DCAF8L2: variants seen among roughly 807,000 people sequenced by gnomAD.
The protein encoded by DCAF8L2 is DDB1- and CUL4-associated factor 8-like protein 2.
For missense variants in DCAF8L2, 430 were observed against 490.7 expected, an observed-to-expected ratio of 0.88 and a Z score of 1.17; for synonymous variants, 200 against 190.9, an observed-to-expected ratio of 1.05 and a Z score of -0.39.
At chrX:27,591,474 C>T (rs908287295) in intron 1 of DCAF8L2, among the ~76,000 whole-genome samples, 1 of 111,154 alleles carries the variant, frequency 9.0e-6, no homozygotes, top group African/African-American at 3.3e-5. Flanking sequence ...TAAGTTGTTG[C>T]TTCTCCCCCT....
chrX:27,603,634 A>T (rs1413946958), intron 1 of DCAF8L2, among the ~76,000 whole-genome samples: 1 of 112,160 alleles, frequency 8.9e-6, no homozygotes, highest in Non-Finnish European at 1.9e-5. Context: ...CTGATATAAC[A>T]AACCTACAAC....
chrX:27,568,847 G>T, the DCAF8L2 span, among the ~76,000 whole-genome samples: 45,076 of 102,986 alleles, frequency 0.44, 8,659 homozygotes, highest in South Asian at 0.69. Flanking sequence ...ACAGGCCCCG[G>T]TGTGTGATGT....
upstream of DCAF8L2, among the ~76,000 whole-genome samples, chrX:27,586,967 C>A (rs926770658): frequency 9.0e-6 from 1 of 110,788 alleles, no homozygotes; most frequent in Non-Finnish European, 1.9e-5. Flanking sequence ...TTCTTAATGA[C>A]CTGTGTTTCA....
chrX:27,574,992 T>C, the DCAF8L2 span, among the ~76,000 whole-genome samples: 2 of 112,091 alleles, frequency 1.8e-5, no homozygotes, highest in Non-Finnish European at 3.8e-5. Flanking sequence ...GCTCTTGCCT[T>C]GCTATGCCGG....
chrX:27,561,965 C>A, the DCAF8L2 span, among the ~76,000 whole-genome samples: 1 of 111,555 alleles, frequency 9.0e-6, no homozygotes, highest in African/African-American at 3.3e-5. Context: ...ATGGTAACTC[C>A]ATGGTTAGCT....
intron 3 of DCAF8L2, among the ~76,000 whole-genome samples, chrX:27,695,237 T>A (rs1930851335): frequency 8.9e-6 from 1 of 112,411 alleles, no homozygotes; most frequent in South Asian, 3.6e-4. Flanking sequence ...TTCTGTGTTC[T>A]GTTAAGAGAA....
At chrX:27,546,726 C>T in the DCAF8L2 span, among the ~76,000 whole-genome samples, 1 of 112,367 alleles carries the variant, frequency 8.9e-6, no homozygotes, top group African/African-American at 3.2e-5. Context: ...CTGAGCTGTA[C>T]CTTGGTCCCT....
At chrX:27,621,081 G>A (rs1394455235) in intron 1 of DCAF8L2, among the ~76,000 whole-genome samples, 1 of 112,008 alleles carries the variant, frequency 8.9e-6, no homozygotes, top group Admixed American at 9.5e-5. Context: ...TACTTATACT[G>A]TACCATTCTA....
chrX:27,598,395 AT>A (rs1175326746), intron 1 of DCAF8L2, among the ~76,000 whole-genome samples: 2 of 112,112 alleles, frequency 1.8e-5, no homozygotes, highest in Non-Finnish European at 3.8e-5. Flanking sequence ...AAGAGAGAAC[AT>A]TAGCTGCTTA....
chrX:27,482,411 G>C, the DCAF8L2 span, among the ~76,000 whole-genome samples: 1 of 111,224 alleles, frequency 9.0e-6, no homozygotes, highest in Non-Finnish European at 1.9e-5. Flanking sequence ...GCTAATTAAA[G>C]CTCATTTAAG....
At chrX:27,514,265 AT>A in the DCAF8L2 span, among the ~76,000 whole-genome samples, 1 of 36,775 alleles carries the variant, frequency 2.7e-5, no homozygotes, top group Admixed American at 4.3e-4. Context: ...ATATGTGTGC[AT>A]ATGTGCACAT....
chrX:27,500,861 T>C, the DCAF8L2 span, among the ~76,000 whole-genome samples: 1 of 111,326 alleles, frequency 9.0e-6, no homozygotes, highest in Non-Finnish European at 1.9e-5. Flanking sequence ...AATCACATTT[T>C]AGTAAATTCA....
At chrX:27,696,282 G>T (rs765287576) in intron 3 of DCAF8L2, among the ~76,000 whole-genome samples, 7 of 54,226 alleles carry the variant, frequency 1.3e-4, no homozygotes, top group Non-Finnish European at 2.4e-4. Context: ...AAGAAAGAAA[G>T]AAAGAAAGAA....
chrX:27,722,340 A>G (rs956333872), intron 4 of DCAF8L2, among the ~76,000 whole-genome samples: 2 of 111,605 alleles, frequency 1.8e-5, no homozygotes, highest in Non-Finnish European at 3.8e-5. Context: ...AGTTGAAAAT[A>G]TTGTAGGTTG....
the DCAF8L2 span, chrX:27,518,492 C>T: frequency 2.4e-6 from 1 of 418,617 alleles, no homozygotes. Flanking sequence ...TGTAATCCAG[C>T]ACTTTGGGAG....
At chrX:27,660,410 G>T (rs1450590310) in intron 2 of DCAF8L2, among the ~76,000 whole-genome samples, 3 of 109,350 alleles carry the variant, frequency 2.7e-5, no homozygotes, top group Admixed American at 9.7e-5. Context: ...AGGTTTTTGT[G>T]TTTTTTTTTG....
At chrX:27,499,658 C>T in the DCAF8L2 span, among the ~76,000 whole-genome samples, 7 of 110,988 alleles carry the variant, frequency 6.3e-5, no homozygotes, top group South Asian at 2.3e-3. Flanking sequence ...CTTCACATGG[C>T]GAAGCAGGAG....
At chrX:27,686,849 A>G (rs1397289945) in intron 3 of DCAF8L2, among the ~76,000 whole-genome samples, 1 of 112,393 alleles carries the variant, frequency 8.9e-6, no homozygotes, top group Non-Finnish European at 1.9e-5. Context: ...GGGTGGTTTC[A>G]AGATGAAACT....
intron 1 of DCAF8L2, among the ~76,000 whole-genome samples, chrX:27,615,560 C>CTAATCTATT (rs1927432664): frequency 1.9e-5 from 2 of 106,509 alleles, no homozygotes; most frequent in African/African-American, 7.4e-5. Flanking sequence ...TCTAATCTAT[C>CTAATCTATT]TATCTATATT....
Sources: allele counts gnomAD v4.1 joint callset (sites outside exome capture counted in the v4.1 genomes callset), GRCh38; gene constraint gnomAD v4.1.1; transcripts MANE v1.5; gene names NCBI Gene and HGNC (gene_info 2026-07-23, HGNC 2026-07-21).